Variants in POGLUT3 observed in about 807,000 individuals in gnomAD.
The protein encoded by POGLUT3 is protein O-glucosyltransferase 3.
In POGLUT3, 48 loss-of-function variants were observed where a neutral mutation model predicts 54.3. That is an observed-to-expected ratio of 0.88 (90% CI 0.70 to 1.12). The LOEUF is 1.12. POGLUT3 is among the 50% of genes most tolerant of loss of function. The pLI, the probability that POGLUT3 is intolerant of heterozygous loss-of-function variation, is 0.00. For missense variants in POGLUT3, 629 were observed against 618.7 expected, an observed-to-expected ratio of 1.02 and a Z score of -0.18; for synonymous variants, 218 against 237.4, an observed-to-expected ratio of 0.92 and a Z score of 0.75.
At position 108,498,094 on chromosome 11, in the gene POGLUT3, C is replaced by A; in HGVS notation, c.202+71G>T. The A allele has an allele frequency of 2.3e-6, 3 of 1,331,430 alleles. No homozygotes were observed. In the African/African-American group the frequency reaches 4.7e-5, roughly 21 times the overall value. The allele number at this position is 1,331,430 out of a possible 1,614,324, so 82.5% of individuals were successfully genotyped here. A position where few individuals can be genotyped will look rare whatever the true frequency, so the allele number is the denominator to read the frequency against. ...GGAGGGACGCCACGCAGGCCGCGGG[C>A]GGACTCCCGGGCGGCGGGGACGCGC... On this transcript the variant is annotated intron_variant, in intron 1 of 7. Transcript: ENST00000323468.
chr11:108,496,703 G>T (rs2093622858), intron 1 of POGLUT3, among the ~76,000 whole-genome samples: 1 of 152,132 alleles, frequency 6.6e-6, no homozygotes, highest in African/African-American at 2.4e-5. Context: ...CTTCAGGAGT[G>T]GTGTTCTGAA....
chr11:108,484,033 G>T (rs2093597897), intron 3 of POGLUT3, among the ~76,000 whole-genome samples: 1 of 152,106 alleles, frequency 6.6e-6, no homozygotes, highest in Non-Finnish European at 1.5e-5. Flanking sequence ...GTGGAGTAGG[G>T]TTTCTCAAGC....
intron 3 of POGLUT3, among the ~76,000 whole-genome samples, chr11:108,484,529 G>C (rs1388046704): frequency 2.0e-5 from 3 of 152,198 alleles, no homozygotes; most frequent in Non-Finnish European, 4.4e-5. Context: ...GGGAGGCCAA[G>C]GCGGGCAGAT....
At chr11:108,483,072 C>T (rs1220236131) in intron 3 of POGLUT3, among the ~76,000 whole-genome samples, 1 of 152,182 alleles carries the variant, frequency 6.6e-6, no homozygotes, top group Non-Finnish European at 1.5e-5. Context: ...ATCTGCTCTC[C>T]ACAAGGCTGC....
At chr11:108,494,718 A>C (rs1336273454) in intron 1 of POGLUT3, among the ~76,000 whole-genome samples, 1 of 152,222 alleles carries the variant, frequency 6.6e-6, no homozygotes, top group African/African-American at 2.4e-5. Context: ...TATTTTATGA[A>C]GATATTATTA....
At chr11:108,487,986 A>G (rs1417816287) in intron 2 of POGLUT3, among the ~76,000 whole-genome samples, 1 of 151,568 alleles carries the variant, frequency 6.6e-6, no homozygotes, top group East Asian at 2.0e-4. Context: ...ACCAGAAAAC[A>G]CTCCCACAAA....
At chr11:108,496,327 A>G (rs2093622192) in intron 1 of POGLUT3, among the ~76,000 whole-genome samples, 1 of 151,962 alleles carries the variant, frequency 6.6e-6, no homozygotes. Flanking sequence ...TAAAAAAAAA[A>G]AAGGAGGAGG....
Position 108,477,291 on chromosome 11 carries a change from A to G in POGLUT3, c.1398+316T>C, listed in dbSNP as rs548582021. ...GTGGCGTGTACCTGTAATCCCAGCT[A>G]CTTGGGAGTCTGAGGCAGAATTGCT... On this transcript the variant is annotated intron_variant, in intron 7 of 7. Transcript: ENST00000323468. Among the ~76,000 whole-genome samples, 31 of 152,236 alleles carry G rather than the reference A, an allele frequency of 2.0e-4. No individual in the cohort carries two copies. In the East Asian group the frequency reaches 5.2e-3, roughly 26 times the overall value.
intron 2 of POGLUT3, among the ~76,000 whole-genome samples, chr11:108,487,581 C>A (rs1485968083): frequency 6.6e-6 from 1 of 151,942 alleles, no homozygotes; most frequent in African/African-American, 2.4e-5. Context: ...TTTTTTCTTT[C>A]TTTCTTTTAT....
chr11:108,488,256 C>T (rs979455011), intron 2 of POGLUT3, among the ~76,000 whole-genome samples: 5 of 152,022 alleles, frequency 3.3e-5, no homozygotes, highest in Non-Finnish European at 7.4e-5. Context: ...AACTCCTGAC[C>T]TCAAGTGATC....
intron 1 of POGLUT3, 110 bp from the exon 2 acceptor site, chr11:108,491,277 G>T: frequency 1.2e-6 from 1 of 826,936 alleles, no homozygotes; most frequent in South Asian, 1.6e-5. Flanking sequence ...CTGCAGCATT[G>T]GTGGTTAAAA....
chr11:108,480,904 AAAAG>A (rs1591640481), intron 5 of POGLUT3, among the ~76,000 whole-genome samples: 3 of 152,178 alleles, frequency 2.0e-5, no homozygotes, highest in South Asian at 4.1e-4. Flanking sequence ...ACAAAAAAAA[AAAAG>A]AAAGAAAAAC....
At chr11:108,493,532 G>A (rs956722028) in intron 1 of POGLUT3, among the ~76,000 whole-genome samples, 2 of 152,142 alleles carry the variant, frequency 1.3e-5, no homozygotes, top group Non-Finnish European at 2.9e-5. Context: ...AACGGCAGGC[G>A]TGGTGGCTCA....
intron 6 of POGLUT3, chr11:108,478,117 C>T (rs2093585612): frequency 1.2e-5 from 2 of 160,400 alleles, no homozygotes; most frequent in South Asian, 1.6e-4. Flanking sequence ...CACTGCATTC[C>T]AGCCTGGGCG....
intron 1 of POGLUT3, among the ~76,000 whole-genome samples, chr11:108,494,975 C>A (rs890929391): frequency 6.6e-6 from 1 of 152,174 alleles, no homozygotes; most frequent in African/African-American, 2.4e-5. Flanking sequence ...TTCTTCCCCC[C>A]ACCCAAGGAC....
chr11:108,498,323 G>A lies in POGLUT3; in HGVS notation c.44C>T (p.Ala15Val), dbSNP rs1388493090. 9 of 1,407,164 alleles carry A rather than the reference G, an allele frequency of 6.4e-6. No homozygotes were observed. In the South Asian group the frequency reaches 1.3e-4, roughly 20 times the overall value. 87.2% of individuals were successfully genotyped at this position (1,407,164 alleles called of 1,614,324 possible). The change falls in exon 1 of 8, where the codon GCC becomes GTC. Residue 15 changes from alanine to valine, a missense_variant. By Grantham distance (64) the Ala-to-Val change is moderately conservative (BLOSUM62 0). Transcript: ENST00000323468. ...PRALLLQLRL[A>V]LLVAAGAPEV... ...CGGGGCCCCCGCGGCCACCAGCAGG[G>A]CGAGGCGCAGCTGCAGCAGCAGGGC... is the stretch of plus-strand genomic sequence containing the variant.
In POGLUT3 at chr11:108,486,201, A is replaced by C; in HGVS notation, c.640T>G (p.Phe214Val). ...YRRSLGKYTD[F>V]KMFSDEILLS... ...AAAATCTCATCAGAGAACATCTTGA[A>C]GTCTGTGTATTTCCCTAAAGATCTC... The change falls in exon 3 of 8, where the codon TTC becomes GTC. Residue 214 changes from phenylalanine to valine, a missense_variant. Phe to Val is a conservative substitution (Grantham distance 50). Coordinates refer to ENST00000323468, the MANE Select transcript of POGLUT3 (RefSeq NM_153705.5). The C allele has an allele frequency of 6.2e-7, 1 of 1,613,578 alleles. No individual in the cohort carries two copies. The highest frequency in any genetic ancestry group is 8.5e-7 in the Non-Finnish European group (1 of 1,179,540).
intron 2 of POGLUT3, 156 bp from the exon 3 acceptor site, chr11:108,486,596 A>G (rs2093603890): frequency 1.4e-6 from 1 of 716,934 alleles, no homozygotes; most frequent in East Asian, 2.7e-5. Flanking sequence ...TTAGAGTCCT[A>G]CACTTTTACT....
At chr11:108,491,506 G>C (rs2093613329) in intron 1 of POGLUT3, 3 of 384,774 alleles carry the variant, frequency 7.8e-6, no homozygotes, top group African/African-American at 6.1e-5. Flanking sequence ...GGGACTATAG[G>C]AGTGTGCCAC....
Sources: allele counts gnomAD v4.1 joint callset (sites outside exome capture counted in the v4.1 genomes callset), GRCh38; gene constraint gnomAD v4.1.1; transcripts MANE v1.5; gene names NCBI Gene and HGNC (gene_info 2026-07-23, HGNC 2026-07-21).